Variants in FMNL2 observed in about 807,000 individuals in gnomAD.
FMNL2 encodes formin like 2.
FMNL2 carries 51 observed loss-of-function variants against 130.2 expected under a neutral mutation model. The observed-to-expected ratio is 0.39, with a 90% confidence interval of 0.31 to 0.49. The LOEUF is 0.49. Ranked by LOEUF, FMNL2 falls within the 20% of genes least tolerant of loss-of-function variation. The pLI is 0.85. For missense variants in FMNL2, 977 were observed against 1,316.2 expected (o/e 0.74, Z 3.99); for synonymous variants, 465 against 467.1 (o/e 1.00, Z 0.06).
intron 1 of FMNL2, among the ~76,000 whole-genome samples, chr2:152,454,385 G>T (rs1350622434): frequency 6.6e-6 from 1 of 152,026 alleles, no homozygotes; most frequent in African/African-American, 2.4e-5. Flanking sequence ...TTTTTCTCTT[G>T]TATTAAATTT....
intron 5 of FMNL2, 61 bp downstream of exon 5, chr2:152,558,884 G>C (rs1217771978): frequency 7.6e-6 from 11 of 1,440,374 alleles, no homozygotes; most frequent in Middle Eastern, 1.7e-4. Context: ...ATGCTACTCA[G>C]TGGTAAAATT....
chr2:152,456,477 T>C (rs906063902), intron 1 of FMNL2, among the ~76,000 whole-genome samples: 4 of 152,182 alleles, frequency 2.6e-5, no homozygotes, highest in African/African-American at 4.8e-5. Context: ...GCTGGGAATA[T>C]AGGCATGAGT....
intron 1 of FMNL2, among the ~76,000 whole-genome samples, chr2:152,382,595 A>G (rs958447401): frequency 1.2e-4 from 18 of 152,306 alleles, no homozygotes; most frequent in African/African-American, 3.6e-4. Flanking sequence ...CTCTTAATGT[A>G]TTATGGACTT....
intron 1 of FMNL2, among the ~76,000 whole-genome samples, chr2:152,355,854 A>T (rs1682750553): frequency 6.6e-6 from 1 of 152,258 alleles, no homozygotes; most frequent in Non-Finnish European, 1.5e-5. Flanking sequence ...TTAACAAAAT[A>T]GTCCCAGCAT....
At chr2:152,634,605 A>G (rs1682429045) in intron 21 of FMNL2, among the ~76,000 whole-genome samples, 1 of 152,232 alleles carries the variant, frequency 6.6e-6, no homozygotes, top group Non-Finnish European at 1.5e-5. Flanking sequence ...TTGTGGAAGC[A>G]TTTTCCCTGC....
chr2:152,604,625 T>G (rs1369469393), intron 9 of FMNL2, among the ~76,000 whole-genome samples: 1 of 151,962 alleles, frequency 6.6e-6, no homozygotes, highest in Non-Finnish European at 1.5e-5. Flanking sequence ...AGACAGAGTC[T>G]CACTTTGTCG....
intron 1 of FMNL2, among the ~76,000 whole-genome samples, chr2:152,464,146 G>A (rs1558884578): frequency 1.3e-5 from 2 of 152,062 alleles, no homozygotes; most frequent in Admixed American, 6.6e-5. Context: ...GTTTCACCAC[G>A]TTGACCAATC....
intron 10 of FMNL2, 93 bp downstream of exon 10, chr2:152,607,506 C>CACACACAG (rs1491203656): frequency 5.2e-5 from 37 of 712,612 alleles, no homozygotes; most frequent in Admixed American, 4.9e-4. Context: ...CACACACACA[C>CACACACAG]ATATTTATAT....
At chr2:152,580,064 C>T (rs185122872) in intron 8 of FMNL2, among the ~76,000 whole-genome samples, 102 of 152,308 alleles carry the variant, frequency 6.7e-4, no homozygotes, top group African/African-American at 2.4e-3. Context: ...TGCGACTGTG[C>T]GATTCCTTCC....
intron 1 of FMNL2, among the ~76,000 whole-genome samples, chr2:152,409,034 T>A (rs1451115033): frequency 6.6e-6 from 1 of 152,006 alleles, no homozygotes; most frequent in Non-Finnish European, 1.5e-5. Context: ...GGAAGAAGGG[T>A]TTGCAATTGG....
At chr2:152,512,473 A>AT in intron 1 of FMNL2, among the ~76,000 whole-genome samples, 1 of 152,336 alleles carries the variant, frequency 6.6e-6, no homozygotes, top group African/African-American at 2.4e-5. Context: ...CTTGACTGCT[A>AT]TAGCTGCACC....
chr2:152,533,473 A>G (rs1281755017), intron 2 of FMNL2, among the ~76,000 whole-genome samples: 2 of 147,540 alleles, frequency 1.4e-5, no homozygotes, highest in South Asian at 2.1e-4. Flanking sequence ...CTACTCATCT[A>G]TATTTTTATC....
chr2:152,646,561 C>G (rs1339141325), intron 25 of FMNL2, among the ~76,000 whole-genome samples: 1 of 148,950 alleles, frequency 6.7e-6, no homozygotes, highest in East Asian at 1.9e-4. Flanking sequence ...CCAATTTAAA[C>G]ACCAGGAAAC....
intron 9 of FMNL2, among the ~76,000 whole-genome samples, chr2:152,587,699 G>A (rs73008196): frequency 0.064 from 9,713 of 152,182 alleles, 777 homozygotes; most frequent in East Asian, 0.19. Context: ...TTAACATCTG[G>A]TTAAGGGAAT....
chr2:152,481,518 T>TC (rs1188400370), intron 1 of FMNL2, among the ~76,000 whole-genome samples: 1 of 152,206 alleles, frequency 6.6e-6, no homozygotes, highest in Non-Finnish European at 1.5e-5. Flanking sequence ...CCCAGGCTTT[T>TC]CCCCCAAGAT....
intron 7 of FMNL2, among the ~76,000 whole-genome samples, chr2:152,576,183 G>T (rs1326180700): frequency 6.6e-6 from 1 of 152,120 alleles, no homozygotes; most frequent in Non-Finnish European, 1.5e-5. Flanking sequence ...TGGTGTTAGA[G>T]TTCAAACCAA....
At position 152,346,017 on chromosome 2, in the gene FMNL2, A is replaced by G. The variant is rs139476345; in HGVS notation, c.117+10297A>G. Among the ~76,000 whole-genome samples, 170 of 151,798 alleles carry G rather than the reference A, an allele frequency of 1.1e-3. 1 individual carries two copies. Among genetic ancestry groups the G allele is most frequent in the African/African-American group, 3.9e-3 (161 of 41,394 alleles). On this transcript the variant is annotated intron_variant, in intron 1 of 25. Coordinates refer to ENST00000288670, the MANE Select transcript of FMNL2 (RefSeq NM_052905.4). Reference sequence around the variant, plus strand: ...CAAGTCTTTAACATTAAACACCTATAGTTTTTTTTTTCTTTTTCTTCTTTT... The same window carrying G: ...CAAGTCTTTAACATTAAACACCTATGGTTTTTTTTTTCTTTTTCTTCTTTT...
intron 1 of FMNL2, among the ~76,000 whole-genome samples, chr2:152,373,717 T>G (rs941667398): frequency 6.7e-6 from 1 of 149,870 alleles, no homozygotes; most frequent in East Asian, 1.9e-4. Context: ...TTGTGGAAAT[T>G]TTTTTTTTTT....
chr2:152,618,296 G>C lies in FMNL2; in HGVS notation c.1315-550G>C, dbSNP rs151069829. On this transcript the variant is annotated intron_variant, in intron 13 of 25. Transcript: ENST00000288670. Reference sequence around the variant, plus strand: ...CCGATGGGAAAATGTTACAACAATCGCTATCCTGAGCTTGGTCAAGGGGGC... The same window carrying C: ...CCGATGGGAAAATGTTACAACAATCCCTATCCTGAGCTTGGTCAAGGGGGC... Among the ~76,000 whole-genome samples the C allele has an allele frequency of 8.0e-3, 1,222 of 152,292 alleles. 9 individuals carry two copies. Among genetic ancestry groups the C allele is most frequent in the Non-Finnish European group, 0.014 (940 of 68,028 alleles).
Sources: allele counts gnomAD v4.1 joint callset (sites outside exome capture counted in the v4.1 genomes callset), GRCh38; gene constraint gnomAD v4.1.1; transcripts MANE v1.5; gene names NCBI Gene and HGNC (gene_info 2026-07-23, HGNC 2026-07-21).